The following RYR3 variants were observed in gnomAD, a reference collection of about 807,000 sequenced individuals.
The protein encoded by RYR3 is brain ryanodine receptor-calcium release channel.
RYR3 carries 207 observed loss-of-function variants against 584.3 expected under a neutral mutation model. That is an observed-to-expected ratio of 0.35 (90% confidence interval 0.32 to 0.40). RYR3 has a LOEUF of 0.40. RYR3 is among the 10% of genes least tolerant of loss of function. The pLI is 1.00. For synonymous variants in RYR3, 2,416 were observed against 2,248.5 expected (o/e 1.07, Z -2.11); for missense variants, 5,616 against 6,089.2 (o/e 0.92, Z 2.59).
At chr15:33,817,386 G>T (rs946785457) in intron 75 of RYR3, among the ~76,000 whole-genome samples, 1 of 152,078 alleles carries the variant, frequency 6.6e-6, no homozygotes, top group African/African-American at 2.4e-5. Flanking sequence ...AGAAAATTTG[G>T]CATGCCTTGT....
chr15:33,829,721 C>A (rs897160336), intron 85 of RYR3, among the ~76,000 whole-genome samples: 3 of 150,364 alleles, frequency 2.0e-5, no homozygotes, highest in Non-Finnish European at 4.4e-5. Flanking sequence ...CGCTGCACTC[C>A]AGCCTGGGCA....
In RYR3 at chr15:33,844,968, A is replaced by G; in HGVS notation, c.13403A>G (p.Glu4468Gly). The G allele has an allele frequency of 6.2e-7, 1 of 1,614,022 alleles. No individual in the cohort carries two copies. Among genetic ancestry groups the G allele is most frequent in the Non-Finnish European group, 8.5e-7 (1 of 1,179,890 alleles). The change falls in exon 93 of 104, where the codon GAG (glutamate) becomes GGG (glycine). Residue 4468 changes from glutamate (E) to glycine (G), a missense_variant. This residue lies in a region of RYR3 where 918 missense variants were observed against 887.4 expected (regional missense o/e 1.03). Transcript: ENST00000634891. The part of the protein sequence containing the change: ...EEAMVFFVLQ[E>G]STGYMAPTLR... The stretch of plus-strand genomic sequence containing the variant: ...GCGATGGTATTCTTTGTCCTTCAGG[A>G]GAGCACCGGGTATATGGCACCAACC...
intron 43 of RYR3, among the ~76,000 whole-genome samples, chr15:33,718,078 T>C (rs1402264153): frequency 6.6e-6 from 1 of 152,218 alleles, no homozygotes; most frequent in Non-Finnish European, 1.5e-5. Flanking sequence ...TCCTGGCCAT[T>C]ACCCTGCCCC....
intron 31 of RYR3, 143 bp downstream of exon 31, chr15:33,649,378 C>T (rs2062318176): frequency 8.1e-6 from 6 of 744,954 alleles, no homozygotes; most frequent in Non-Finnish European, 1.3e-5. Flanking sequence ...TTCAAAGAAA[C>T]AAACCGGTAC....
intron 93 of RYR3, among the ~76,000 whole-genome samples, chr15:33,846,396 A>G (rs763019061): frequency 3.3e-5 from 5 of 152,172 alleles, no homozygotes; most frequent in Non-Finnish European, 4.4e-5. Flanking sequence ...CATATTCACA[A>G]CCACTACAGT....
rs924660009 is a variant in RYR3, at chr15:33,636,650, G to C, written c.3556+100G>C. The C allele has an allele frequency of 3.7e-6, 4 of 1,069,990 alleles. No individual in the cohort carries two copies. The African/African-American group carries it at 4.8e-5, about 13-fold the overall frequency. 66.3% of individuals were successfully genotyped at this position (1,069,990 alleles called of 1,614,324 possible). A position where few individuals can be genotyped will look rare whatever the true frequency, so the allele number is the denominator to read the frequency against. On this transcript the variant is annotated intron_variant, in intron 27 of 103. Coordinates refer to ENST00000634891, the MANE Select transcript of RYR3 (RefSeq NM_001036.6). ...TCTACTTCCTTATTCGGTCTACACT[G>C]TCCTTTGCATATTTGAAAACCCTAA...
At chr15:33,751,723 T>C (rs2071336773) in intron 57 of RYR3, among the ~76,000 whole-genome samples, 1 of 152,166 alleles carries the variant, frequency 6.6e-6, no homozygotes, top group South Asian at 2.1e-4. Flanking sequence ...ATGCAGAAGC[T>C]CTTTAGTTTA....
chr15:33,734,182 C>CGA, intron 48 of RYR3, among the ~76,000 whole-genome samples: 1 of 151,730 alleles, frequency 6.6e-6, no homozygotes, highest in Non-Finnish European at 1.5e-5. Context: ...ATCTCCTTCC[C>CGA]AAACCAGGCC....
At chr15:33,588,119 A>G (rs780136585) in intron 16 of RYR3, among the ~76,000 whole-genome samples, 16 of 152,226 alleles carry the variant, frequency 1.1e-4, no homozygotes, top group Admixed American at 4.6e-4. Context: ...AACAAATGCC[A>G]GTTATTGCTG....
rs377185765 is a variant in RYR3 at position 33,642,169 on chromosome 15, T to A, written c.3557-2142T>A. On this transcript the variant is annotated intron_variant, in intron 27 of 103. Transcript: ENST00000634891. ...CAGTTATTACCTTTTCCCCCTTACA[T>A]TGTCATTGGGTCTGTGACTAGGACA... 6.6e-5 allele frequency among the ~76,000 whole-genome samples: 10 copies of A among 152,298 alleles called. No individual in the cohort carries two copies. In the East Asian group the frequency reaches 1.9e-3, roughly 29 times the overall value.
chr15:33,663,024 G>T (rs2063258403), intron 35 of RYR3, 76 bp downstream of exon 35: 7 of 1,335,968 alleles, frequency 5.2e-6, no homozygotes, highest in East Asian at 2.3e-5. Flanking sequence ...ACACACTGAG[G>T]ATTAAAGGAG....
In RYR3 at chr15:33,772,205, A is replaced by G. The variant is rs74005996; in HGVS notation, c.9055+47A>G. 2.6e-3 allele frequency: 3,275 copies of G among 1,260,144 alleles called. 65 individuals are homozygous for G. In the African/African-American group the frequency reaches 0.04, roughly 15 times the overall value. The allele number at this position is 1,260,144 out of a possible 1,614,324, so 78.1% of individuals were successfully genotyped here. Reference sequence around the variant, plus strand: ...CGTGGATGTATGTGCACATGGCCCCAGATAGGAGGTGCAGGGCCCATTCAC... The same window carrying G: ...CGTGGATGTATGTGCACATGGCCCCGGATAGGAGGTGCAGGGCCCATTCAC... On this transcript the variant is annotated intron_variant, in intron 63 of 103. Coordinates refer to ENST00000634891, the MANE Select transcript of RYR3 (RefSeq NM_001036.6).
intron 38 of RYR3, among the ~76,000 whole-genome samples, chr15:33,694,521 G>A (rs1272865298): frequency 6.6e-6 from 1 of 151,672 alleles, no homozygotes; most frequent in Non-Finnish European, 1.5e-5. Context: ...TGGGATTACA[G>A]GCGTGAGCCA....
chr15:33,434,034 C>G (rs1303074372), intron 1 of RYR3, among the ~76,000 whole-genome samples: 1 of 152,180 alleles, frequency 6.6e-6, no homozygotes, highest in Non-Finnish European at 1.5e-5. Context: ...CACCCTCATT[C>G]TCCAAAATCC....
chr15:33,747,900 C>T (rs952004828), intron 53 of RYR3, among the ~76,000 whole-genome samples: 5 of 152,182 alleles, frequency 3.3e-5, no homozygotes, highest in Non-Finnish European at 7.3e-5. Flanking sequence ...CATTTCCTCC[C>T]AGGGCAGGAA....
intron 22 of RYR3, among the ~76,000 whole-genome samples, chr15:33,630,578 G>GT (rs2152629496): frequency 6.6e-6 from 1 of 152,242 alleles, no homozygotes; most frequent in East Asian, 1.9e-4. Context: ...TTGTGGTTTT[G>GT]TTGGCATAAC....
chr15:33,551,471 G>T (rs1371422336), intron 10 of RYR3, among the ~76,000 whole-genome samples: 1 of 152,106 alleles, frequency 6.6e-6, no homozygotes, highest in Non-Finnish European at 1.5e-5. Context: ...CCCTTCTTTG[G>T]TGCAGGGGTT....
At chr15:33,628,652 C>A in intron 21 of RYR3, 77 bp downstream of exon 21, 1 of 920,848 alleles carries the variant, frequency 1.1e-6, no homozygotes, top group Non-Finnish European at 1.8e-6. Context: ...TGCTGCATGC[C>A]TAGTTTTCAT....
rs187625256 is a variant in RYR3, at chr15:33,434,663, A to T, written c.52-38756A>T. Among the ~76,000 whole-genome samples the T allele has an allele frequency of 2.1e-3, 322 of 152,298 alleles. 1 individual carries two copies. Among genetic ancestry groups the T allele is most frequent in the African/African-American group, 7.5e-3 (313 of 41,566 alleles). ...ATACTTGCTATTCAGCTAAAGTAAC[A>T]GGGTATTACCGATAACTGTGTGCCC... On this transcript the variant is annotated intron_variant, in intron 1 of 103. Transcript: ENST00000634891.
Sources: gnomAD v4.1 joint callset for allele counts (sites outside exome capture counted in the v4.1 genomes callset) on GRCh38, gnomAD v4.1.1 for gene constraint, gnomAD v4.1.1 regional missense constraint, MANE v1.5 for transcripts, NCBI Gene and HGNC (gene_info 2026-07-23, HGNC 2026-07-21) for gene names.